DCAF6: variants seen among roughly 807,000 people sequenced by gnomAD.
DCAF6 encodes DDB1 and CUL4 associated factor 6, also known as DDB1- and CUL4-associated factor 6.
A neutral mutation model predicts 125.1 loss-of-function variants in DCAF6; 54 were observed. That is an observed-to-expected ratio of 0.43 (90% CI 0.35 to 0.54). The LOEUF is 0.54. Among genes scored for constraint, DCAF6 ranks in the 20% least tolerant of loss-of-function variants. DCAF6 has a pLI of 0.01. For missense variants in DCAF6, 934 were observed against 1,161.7 expected, an observed-to-expected ratio of 0.80 and a Z score of 2.85; for synonymous variants, 371 against 390.4, an observed-to-expected ratio of 0.95 and a Z score of 0.58.
intron 2 of DCAF6, among the ~76,000 whole-genome samples, chr1:167,966,055 G>A (rs1038506469): frequency 2.0e-5 from 3 of 152,150 alleles, no homozygotes; most frequent in Non-Finnish European, 4.4e-5. Flanking sequence ...TCATGAGTCT[G>A]TGCTCTGGTA....
intron 2 of DCAF6, among the ~76,000 whole-genome samples, chr1:167,959,481 G>T (rs1557892999): frequency 6.6e-6 from 1 of 152,196 alleles, no homozygotes; most frequent in East Asian, 1.9e-4. Flanking sequence ...ATCACCATTT[G>T]TCCTTCAAAG....
At position 167,975,358 on chromosome 1, in the gene DCAF6, G is replaced by A. The variant is rs555420025; in HGVS notation, c.438+343G>A. 1.1e-4 allele frequency among the ~76,000 whole-genome samples: 17 copies of A among 152,188 alleles called. 1 individual carries two copies. Among genetic ancestry groups the A allele is most frequent in the South Asian group, 8.3e-4 (4 of 4,822 alleles). On this transcript the variant is annotated intron_variant, in intron 4 of 21. Coordinates refer to ENST00000367840, the MANE Select transcript of DCAF6 (RefSeq NM_001198956.2). ...CTAGGCTTTACCCTTTTAAACAATC[G>A]CTTGCTTGTGTAAAGTCATAGCCAA...
the DCAF6 span, among the ~76,000 whole-genome samples, chr1:167,865,402 A>AT: frequency 1.3e-5 from 2 of 152,218 alleles, no homozygotes; most frequent in African/African-American, 4.8e-5. Context: ...TGAAGCACCA[A>AT]CCTGCTCTTT....
chr1:167,911,765 C>A, the DCAF6 span, among the ~76,000 whole-genome samples: 1 of 152,128 alleles, frequency 6.6e-6, no homozygotes, highest in African/African-American at 2.4e-5. Context: ...CATTGGAGAA[C>A]AAGCGTTTCA....
chr1:167,978,881 T>C (rs1360386635), intron 4 of DCAF6, among the ~76,000 whole-genome samples: 1 of 152,162 alleles, frequency 6.6e-6, no homozygotes, highest in Non-Finnish European at 1.5e-5. Context: ...TGTCTAGAAC[T>C]CCTGGGCTCA....
At chr1:167,960,087 T>C (rs1388855471) in intron 2 of DCAF6, among the ~76,000 whole-genome samples, 1 of 151,978 alleles carries the variant, frequency 6.6e-6, no homozygotes, top group Non-Finnish European at 1.5e-5. Flanking sequence ...TTTTTTTGCA[T>C]GTGAATATCC....
chr1:167,903,522 C>T, the DCAF6 span, among the ~76,000 whole-genome samples: 1 of 152,086 alleles, frequency 6.6e-6, no homozygotes, highest in Non-Finnish European at 1.5e-5. Flanking sequence ...CAAGATTGTG[C>T]CACTGCACTC....
At chr1:167,932,716 G>A (rs1157259037), upstream of DCAF6, among the ~76,000 whole-genome samples, 1 of 151,096 alleles carries the variant, frequency 6.6e-6, no homozygotes, top group East Asian at 1.9e-4. Context: ...GGCTGAGGCA[G>A]GAGAATCGCT....
intron 20 of DCAF6, among the ~76,000 whole-genome samples, chr1:168,066,906 T>G (rs1572171580): frequency 6.6e-6 from 1 of 152,326 alleles, no homozygotes; most frequent in East Asian, 1.9e-4. Context: ...TCAGGATTAG[T>G]ATATAGCAGA....
chr1:167,967,714 C>CTTTTTTTTTTTTTTTTTTTTTTTT lies in DCAF6; in HGVS notation c.252+996_252+1019dup, dbSNP rs552208317. On this transcript the variant is annotated intron_variant, in intron 3 of 21. Transcript: ENST00000367840. ...CCTGATTGTCTTAAATTTCCTGTAT[C>CTTTTTTTTTTTTTTTTTTTTTTTT]TTTTTTTTTTTTTTTTTTTTTTTTT... Among the ~76,000 whole-genome samples, 9 of 74,576 alleles carry CTTTTTTTTTTTTTTTTTTTTTTTT rather than the reference C, an allele frequency of 1.2e-4. 2 individuals carry two copies. The highest frequency in any genetic ancestry group is 3.7e-4 in the African/African-American group (7 of 18,980). The allele number at this position is 74,576 out of a possible 152,430, so 48.9% of individuals were successfully genotyped here. A position where few individuals can be genotyped will look rare whatever the true frequency, so the allele number is the denominator to read the frequency against.
the DCAF6 span, among the ~76,000 whole-genome samples, chr1:167,888,673 G>C: frequency 6.6e-5 from 10 of 152,026 alleles, no homozygotes; most frequent in African/African-American, 1.7e-4. Flanking sequence ...TCAGGAGATC[G>C]AGACCATCCT....
At chr1:167,996,000 C>A (rs1016031522) in intron 7 of DCAF6, among the ~76,000 whole-genome samples, 4 of 152,082 alleles carry the variant, frequency 2.6e-5, no homozygotes, top group Non-Finnish European at 5.9e-5. Flanking sequence ...TGTATAAGGA[C>A]TATGTTCTGT....
the DCAF6 span, among the ~76,000 whole-genome samples, chr1:167,884,153 G>T: frequency 6.6e-6 from 1 of 152,122 alleles, no homozygotes; most frequent in Admixed American, 6.6e-5. Flanking sequence ...GGTTGTATTA[G>T]TCCGTTCTCC....
chr1:167,946,575 A>G (rs768250244), intron 1 of DCAF6, among the ~76,000 whole-genome samples: 2 of 152,106 alleles, frequency 1.3e-5, no homozygotes, highest in Non-Finnish European at 2.9e-5. Flanking sequence ...GGTTTTTCTT[A>G]TGAAGGGATG....
At chr1:167,982,850 A>AG (rs1297170947) in intron 4 of DCAF6, among the ~76,000 whole-genome samples, 1 of 152,112 alleles carries the variant, frequency 6.6e-6, no homozygotes, top group African/African-American at 2.4e-5. Context: ...GGTGAAATGT[A>AG]GGGGGGTCCA....
intron 16 of DCAF6, 119 bp from the exon 17 acceptor site, chr1:168,050,773 A>G (rs760704742): frequency 2.1e-4 from 107 of 508,290 alleles, no homozygotes; most frequent in Admixed American, 6.1e-4. Context: ...ACAAAGGGAA[A>G]CAAAAGTTTT....
intron 16 of DCAF6, among the ~76,000 whole-genome samples, chr1:168,050,423 G>C (rs1326893791): frequency 6.6e-6 from 1 of 152,112 alleles, no homozygotes; most frequent in East Asian, 1.9e-4. Context: ...CAAAGAGAAA[G>C]AACTGGACTC....
At chr1:168,007,824 T>C (rs1042281968) in intron 10 of DCAF6, among the ~76,000 whole-genome samples, 1 of 152,090 alleles carries the variant, frequency 6.6e-6, no homozygotes, top group Non-Finnish European at 1.5e-5. Context: ...CAGTTCCTCA[T>C]AGCTTTTAAT....
intron 10 of DCAF6, among the ~76,000 whole-genome samples, chr1:168,010,681 C>T (rs1027271008): frequency 2.6e-5 from 4 of 151,822 alleles, no homozygotes; most frequent in Admixed American, 6.6e-5. Flanking sequence ...GAGAAAGATA[C>T]GACCATGAGC....
Sources: allele counts gnomAD v4.1 joint callset (sites outside exome capture counted in the v4.1 genomes callset), GRCh38; gene constraint gnomAD v4.1.1; transcripts MANE v1.5; gene names NCBI Gene and HGNC (gene_info 2026-07-23, HGNC 2026-07-21).